The following FAM200B variants were observed in gnomAD, a reference collection of about 807,000 sequenced individuals.
FAM200B encodes the protein zinc finger BED-type containing 11, also known as protein FAM200B.
FAM200B carries 32 observed loss-of-function variants against 33.1 expected under a neutral mutation model. The observed-to-expected ratio is 0.97, with a 90% CI of 0.73 to 1.30. The LOEUF is 1.30. Among genes scored for constraint, FAM200B ranks in the 50% most tolerant of loss-of-function variants. The pLI is 0.00. For missense variants in FAM200B, 741 were observed against 754.0 expected (o/e 0.98, Z 0.20); for synonymous variants, 240 against 264.8 (o/e 0.91, Z 0.91).
At chr4:15,639,980 G>A in the FAM200B span, among the ~76,000 whole-genome samples, 42 of 152,192 alleles carry the variant, frequency 2.8e-4, no homozygotes, top group African/African-American at 9.9e-4. Flanking sequence ...AAGGGAAAAC[G>A]TTTTGCCCAT....
chr4:15,673,030 TG>T, the FAM200B span, among the ~76,000 whole-genome samples: 1 of 152,186 alleles, frequency 6.6e-6, no homozygotes, highest in African/African-American at 2.4e-5. Flanking sequence ...GGCAATAACA[TG>T]CACAAAGCTG....
chr4:15,666,385 G>T, the FAM200B span, among the ~76,000 whole-genome samples: 9 of 152,192 alleles, frequency 5.9e-5, no homozygotes, highest in Non-Finnish European at 4.4e-5. Context: ...GGGAGACAGA[G>T]CAAGACCCTG....
chr4:15,647,634 C>T, the FAM200B span, among the ~76,000 whole-genome samples: 1 of 152,160 alleles, frequency 6.6e-6, no homozygotes, highest in African/African-American at 2.4e-5. Flanking sequence ...TTTCATGCCA[C>T]AAACTGACAG....
the FAM200B span, among the ~76,000 whole-genome samples, chr4:15,656,995 C>G: frequency 6.7e-6 from 1 of 150,004 alleles, no homozygotes; most frequent in African/African-American, 2.4e-5. Flanking sequence ...GGCTTATTCA[C>G]AGTCTGTCTT....
rs1335850196 is a variant in FAM200B at position 15,689,845 on chromosome 4, CCTTTATTT to C, written c.*899_*906del. 2 of 166,324 alleles carry C rather than the reference CCTTTATTT, an allele frequency of 1.2e-5. No individual in the cohort carries two copies. The highest frequency in any genetic ancestry group is 2.4e-5 in the African/African-American group (1 of 41,366). 10.3% of individuals were successfully genotyped at this position (166,324 alleles called of 1,614,324 possible). A position where few individuals can be genotyped will look rare whatever the true frequency, so the allele number is the denominator to read the frequency against. ...ACCCTAGGGTAAATCCTCCATTATT[CCTTTATTT>C]CTTTGTTTTCCTTGTAGTATATAAT... On this transcript the variant is annotated 3_prime_UTR_variant, in exon 2 of 2. Coordinates refer to ENST00000422728, the MANE Select transcript of FAM200B (RefSeq NM_001145191.2).
chr4:15,675,790 C>T, the FAM200B span, among the ~76,000 whole-genome samples: 1 of 151,970 alleles, frequency 6.6e-6, no homozygotes, highest in Non-Finnish European at 1.5e-5. Flanking sequence ...ACCATGTTAA[C>T]CAAGCTGGTC....
the FAM200B span, among the ~76,000 whole-genome samples, chr4:15,672,309 A>C: frequency 9.2e-5 from 14 of 152,342 alleles, 1 homozygote; most frequent in Admixed American, 8.5e-4. Flanking sequence ...GTCTCTGAGC[A>C]CGACACAATT....
chr4:15,669,185 GC>G, the FAM200B span, among the ~76,000 whole-genome samples: 1 of 152,084 alleles, frequency 6.6e-6, no homozygotes, highest in Non-Finnish European at 1.5e-5. Flanking sequence ...AAACATCTGA[GC>G]ATACTTACAC....
At chr4:15,674,029 A>C in the FAM200B span, among the ~76,000 whole-genome samples, 1 of 152,190 alleles carries the variant, frequency 6.6e-6, no homozygotes, top group East Asian at 1.9e-4. Context: ...TCAAACTTTT[A>C]ACCATTACAT....
upstream of FAM200B, among the ~76,000 whole-genome samples, chr4:15,680,219 G>A (rs1718169739): frequency 6.6e-6 from 1 of 152,016 alleles, no homozygotes; most frequent in Non-Finnish European, 1.5e-5. Flanking sequence ...AAGACCGGAA[G>A]GATAAACAAG....
chr4:15,684,156 T>A (rs189446142), intron 1 of FAM200B, among the ~76,000 whole-genome samples: 13 of 152,350 alleles, frequency 8.5e-5, no homozygotes, highest in Admixed American at 7.8e-4. Context: ...AGCATCAGTG[T>A]ACACATTTAT....
chr4:15,637,236 T>C, the FAM200B span, among the ~76,000 whole-genome samples: 2 of 152,222 alleles, frequency 1.3e-5, no homozygotes, highest in Non-Finnish European at 2.9e-5. Context: ...CAGTTATTTA[T>C]GTTGCAGGTG....
the FAM200B span, among the ~76,000 whole-genome samples, chr4:15,668,074 C>G: frequency 2.0e-5 from 3 of 150,362 alleles, no homozygotes; most frequent in Non-Finnish European, 4.4e-5. Context: ...GTCAATTTAA[C>G]TATCAACTTA....
chr4:15,638,833 T>C, the FAM200B span: 2 of 572,684 alleles, frequency 3.5e-6, no homozygotes, highest in Non-Finnish European at 5.9e-6. Context: ...CTGTCACCAC[T>C]GAGTTAGTTT....
At chr4:15,646,526 C>G in the FAM200B span, among the ~76,000 whole-genome samples, 1 of 150,082 alleles carries the variant, frequency 6.7e-6, no homozygotes, top group Non-Finnish European at 1.5e-5. Flanking sequence ...TCAAAAGAAA[C>G]CATTAATGCT....
chr4:15,647,222 CAAAAAAAAAAAA>C, the FAM200B span, among the ~76,000 whole-genome samples: 3 of 36,530 alleles, frequency 8.2e-5, no homozygotes, highest in African/African-American at 2.3e-4. Flanking sequence ...GACTCCATCT[CAAAAAAAAAAAA>C]AAAAAAAAAG....
At chr4:15,676,593 A>G in the FAM200B span, among the ~76,000 whole-genome samples, 3 of 152,166 alleles carry the variant, frequency 2.0e-5, no homozygotes, top group Non-Finnish European at 4.4e-5. Flanking sequence ...AACACTCAAT[A>G]TTAGATATTA....
the FAM200B span, among the ~76,000 whole-genome samples, chr4:15,664,258 G>A: frequency 5.7e-4 from 87 of 152,168 alleles, 1 homozygote; most frequent in East Asian, 0.015. Context: ...TACAGACCTA[G>A]TATGGGCCCT....
the FAM200B span, among the ~76,000 whole-genome samples, chr4:15,642,069 T>C: frequency 6.6e-6 from 1 of 151,776 alleles, no homozygotes. Context: ...AGGTCATATA[T>C]ATCAATATCA....
Sources: allele counts gnomAD v4.1 joint callset (sites outside exome capture counted in the v4.1 genomes callset), GRCh38; gene constraint gnomAD v4.1.1; transcripts MANE v1.5; gene names NCBI Gene and HGNC (gene_info 2026-07-23, HGNC 2026-07-21).